The following ZNF420 variants were observed in gnomAD, a reference collection of about 807,000 sequenced individuals.
ZNF420 encodes ATM and p53-associated KZNF protein.
A neutral mutation model predicts 44.7 loss-of-function variants in ZNF420; 31 were observed. The ratio of observed to expected loss-of-function variants is 0.69; its 90% CI spans 0.52 to 0.94. The LOEUF is 0.94. Ranked by LOEUF, ZNF420 falls within the 40% of genes least tolerant of loss-of-function variation. The pLI is 0.00. For missense variants in ZNF420, 681 were observed against 827.9 expected (o/e 0.82, Z 2.18); for synonymous variants, 245 against 267.4 (o/e 0.92, Z 0.82).
At chr19:37,046,935 T>G (rs1192945751) in intron 1 of ZNF420, among the ~76,000 whole-genome samples, 2 of 152,180 alleles carry the variant, frequency 1.3e-5, no homozygotes, top group Admixed American at 6.5e-5. Flanking sequence ...AGGTATGCTA[T>G]GAGCCAAGGA....
At chr19:37,095,055 T>C (rs990471967) in intron 4 of ZNF420, among the ~76,000 whole-genome samples, 1 of 148,014 alleles carries the variant, frequency 6.8e-6, no homozygotes, top group Non-Finnish European at 1.5e-5. Flanking sequence ...CGCTTGAACC[T>C]GGGAGGCGGA....
intron 4 of ZNF420, among the ~76,000 whole-genome samples, chr19:37,112,023 T>C (rs950267928): frequency 6.6e-6 from 1 of 151,958 alleles, no homozygotes; most frequent in African/African-American, 2.4e-5. Flanking sequence ...ATGTCCGTTT[T>C]CTGATTGTTA....
chr19:37,128,064 C>G lies in ZNF420; in HGVS notation c.1073C>G (p.Thr358Ser), dbSNP rs763579753. 35 of 1,614,034 alleles carry G rather than the reference C, an allele frequency of 2.2e-5. No individual in the cohort carries two copies. The highest frequency in any genetic ancestry group is 2.8e-5 in the Non-Finnish European group (33 of 1,179,978). The change falls in exon 5 of 5, where the codon ACT becomes AGT. Residue 358 changes from threonine to serine, a missense_variant. By Grantham distance (58) the Thr-to-Ser change is moderately conservative (BLOSUM62 1). Coordinates refer to ENST00000337995, the MANE Select transcript of ZNF420 (RefSeq NM_144689.5). Reference sequence around the variant, plus strand: ...CTGATGCAACATCAGAGGATTCATACTGGTGAAAAACCCTATAAATGTGAA... The same window carrying G: ...CTGATGCAACATCAGAGGATTCATAGTGGTGAAAAACCCTATAAATGTGAA... ...SLLMQHQRIH[T>S]GEKPYKCEEC...
At chr19:37,031,970 C>T (rs574607324) in intron 1 of ZNF420, among the ~76,000 whole-genome samples, 1 of 150,996 alleles carries the variant, frequency 6.6e-6, no homozygotes, top group Non-Finnish European at 1.5e-5. Flanking sequence ...TTTGGAAGGC[C>T]GAGGCAGGCA....
At chr19:37,083,963 T>A (rs1350975543) in intron 2 of ZNF420, among the ~76,000 whole-genome samples, 1 of 152,210 alleles carries the variant, frequency 6.6e-6, no homozygotes, top group Admixed American at 6.5e-5. Context: ...ATAGAGTTTT[T>A]CTTACTATCT....
chr19:37,104,282 G>A (rs938757551), intron 4 of ZNF420, among the ~76,000 whole-genome samples: 10 of 151,806 alleles, frequency 6.6e-5, no homozygotes, highest in African/African-American at 1.5e-4. Context: ...ATGGGTTTCC[G>A]GCGTCATCCA....
chr19:37,079,187 G>C (rs1462282441), intron 1 of ZNF420, among the ~76,000 whole-genome samples: 1 of 152,166 alleles, frequency 6.6e-6, no homozygotes, highest in African/African-American at 2.4e-5. Flanking sequence ...TACTTAATGG[G>C]ATTTTGTTTG....
At chr19:37,043,372 A>G (rs1025665327) in intron 1 of ZNF420, among the ~76,000 whole-genome samples, 1 of 152,226 alleles carries the variant, frequency 6.6e-6, no homozygotes, top group African/African-American at 2.4e-5. Flanking sequence ...TATCATCAGC[A>G]CTATCTCACT....
intron 1 of ZNF420, among the ~76,000 whole-genome samples, chr19:37,022,089 C>T (rs2074654510): frequency 6.6e-6 from 1 of 150,410 alleles, no homozygotes; most frequent in Non-Finnish European, 1.5e-5. Flanking sequence ...TTTGAGTAAA[C>T]AGGAAATTGT....
rs189027392 is a variant in ZNF420, at chr19:37,129,571, T to C, written c.*513T>C. ...TGCATGAGAGGAGAGTACTTATGAG[T>C]ATAATGAATATTGAGAAATCTTTTA... On this transcript the variant is annotated 3_prime_UTR_variant, in exon 5 of 5. Transcript: ENST00000337995. The C allele has an allele frequency of 6.3e-6, 1 of 159,596 alleles. No homozygotes were observed. Among genetic ancestry groups the C allele is most frequent in the Admixed American group, 6.1e-5 (1 of 16,334 alleles). 9.9% of individuals were successfully genotyped at this position (159,596 alleles called of 1,614,324 possible).
At chr19:37,012,760 ATGTCTCTGTGTGTGTGTGTGTG>A (rs1206614268) in intron 1 of ZNF420, among the ~76,000 whole-genome samples, 246 of 102,008 alleles carry the variant, frequency 2.4e-3, no homozygotes, top group African/African-American at 8.9e-3. Flanking sequence ...CCACTGCTAT[ATGTCTCTGTGTGTGTGTGTGTG>A]TGTGTGTGTG....
intron 1 of ZNF420, among the ~76,000 whole-genome samples, chr19:37,036,883 A>G (rs1967364818): frequency 6.6e-6 from 1 of 152,252 alleles, no homozygotes; most frequent in Non-Finnish European, 1.5e-5. Context: ...ATCTACTTTG[A>G]TAAATATACC....
rs570151509 is a variant in ZNF420 at position 37,070,971 on chromosome 19, T to A, written c.-124-9374T>A. 2.6e-5 allele frequency among the ~76,000 whole-genome samples: 4 copies of A among 152,338 alleles called. No homozygotes were observed. In the South Asian group the frequency reaches 8.3e-4, roughly 32 times the overall value. On this transcript the variant is annotated intron_variant, in intron 1 of 4. Coordinates refer to the ZNF420 transcript ENST00000587029. ...AACACACTCGTTCTTTTACATATTGTCTATGGCTGTGATTTCATGATACAA... is the reference window on the plus strand; with the variant it reads ...AACACACTCGTTCTTTTACATATTGACTATGGCTGTGATTTCATGATACAA...
chr19:37,038,029 C>T (rs1422183129), intron 1 of ZNF420, among the ~76,000 whole-genome samples: 1 of 151,894 alleles, frequency 6.6e-6, no homozygotes, highest in Non-Finnish European at 1.5e-5. Context: ...GAAAGAAAAG[C>T]CAAAATGATG....
intron 1 of ZNF420, among the ~76,000 whole-genome samples, chr19:37,057,793 G>T (rs1470559303): frequency 2.0e-5 from 3 of 152,156 alleles, no homozygotes; most frequent in African/African-American, 7.2e-5. Flanking sequence ...AAGGACCAAA[G>T]CCTCATAGGA....
intron 1 of ZNF420, among the ~76,000 whole-genome samples, chr19:37,008,754 A>G (rs2074547248): frequency 6.6e-6 from 1 of 152,158 alleles, no homozygotes; most frequent in African/African-American, 2.4e-5. Flanking sequence ...ACTGTGCTGT[A>G]TCCTGCCTGG....
chr19:37,116,150 T>C, intron 4 of ZNF420, among the ~76,000 whole-genome samples: 1 of 152,078 alleles, frequency 6.6e-6, no homozygotes, highest in East Asian at 1.9e-4. Context: ...CTGATCTCTC[T>C]TTCTTTTCCC....
intron 2 of ZNF420, among the ~76,000 whole-genome samples, chr19:37,083,168 C>CTTTTTTTTTTTTT (rs754635723): frequency 7.3e-6 from 1 of 137,290 alleles, no homozygotes. Flanking sequence ...CCCGTTTTTG[C>CTTTTTTTTTTTTT]TTTTTTTTTT....
chr19:37,072,782 A>G (rs1430428850), intron 1 of ZNF420, among the ~76,000 whole-genome samples: 1 of 152,254 alleles, frequency 6.6e-6, no homozygotes, highest in African/African-American at 2.4e-5. Context: ...CAATTAAAAT[A>G]CATCATATTA....
Sources: gnomAD v4.1 joint callset for allele counts (sites outside exome capture counted in the v4.1 genomes callset) on GRCh38, gnomAD v4.1.1 for gene constraint, MANE v1.5 for transcripts, NCBI Gene and HGNC (gene_info 2026-07-23, HGNC 2026-07-21) for gene names.